Variants in MAML2 observed in about 807,000 individuals in gnomAD.
MAML2 encodes the protein mastermind like transcriptional coactivator 2, also known as mastermind-like protein 2.
A neutral mutation model predicts 96.1 loss-of-function variants in MAML2; 22 were observed. The observed-to-expected ratio is 0.23, with a 90% CI of 0.16 to 0.33. The LOEUF (loss-of-function observed/expected upper bound fraction) is 0.33. Among genes scored for constraint, MAML2 ranks in the 10% least tolerant of loss-of-function variants. The pLI, the probability that MAML2 is intolerant of heterozygous loss-of-function variation, is 1.00. For synonymous variants in MAML2, 561 were observed against 521.3 expected, an observed-to-expected ratio of 1.08 and a Z score of -1.04; for missense variants, 1,367 against 1,392.4, an observed-to-expected ratio of 0.98 and a Z score of 0.29.
At chr11:96,103,223 T>C (rs1321661241) in intron 1 of MAML2, among the ~76,000 whole-genome samples, 1 of 152,218 alleles carries the variant, frequency 6.6e-6, no homozygotes, top group Non-Finnish European at 1.5e-5. Flanking sequence ...AGACAGTATC[T>C]TGTACTTCTC....
rs75618557 is a variant in MAML2, at chr11:96,320,431, G to A, written c.513+20952C>T. ...AGCCCTCTGGTATACTCAAGCTCAT[G>A]GCAACTCAGGGAAGAAGCACATTTT... On this transcript the variant is annotated intron_variant, in intron 1 of 4. Coordinates refer to ENST00000524717, the MANE Select transcript of MAML2 (RefSeq NM_032427.4). 4.6e-3 allele frequency among the ~76,000 whole-genome samples: 704 copies of A among 152,302 alleles called. 5 individuals are homozygous for A. Among genetic ancestry groups the A allele is most frequent in the African/African-American group, 0.016 (679 of 41,574 alleles).
intron 1 of MAML2, among the ~76,000 whole-genome samples, chr11:96,277,733 CA>C (rs55970384): frequency 0.12 from 8,757 of 73,508 alleles, 198 homozygotes; most frequent in African/African-American, 0.16. Flanking sequence ...CACTCTGCCT[CA>C]AAAAAAAAAA....
At chr11:96,158,816 G>C (rs1000776744) in intron 1 of MAML2, among the ~76,000 whole-genome samples, 2 of 152,142 alleles carry the variant, frequency 1.3e-5, no homozygotes, top group African/African-American at 2.4e-5. Context: ...AGGCTTCATC[G>C]TCCCAGACTT....
intron 2 of MAML2, among the ~76,000 whole-genome samples, chr11:96,047,092 G>A (rs1858913672): frequency 6.6e-6 from 1 of 152,150 alleles, no homozygotes; most frequent in Admixed American, 6.5e-5. Flanking sequence ...CTTTTTACAT[G>A]TCTAAGTTTG....
intron 1 of MAML2, among the ~76,000 whole-genome samples, chr11:96,201,723 T>G (rs1861824909): frequency 6.6e-6 from 1 of 151,574 alleles, no homozygotes; most frequent in Non-Finnish European, 1.5e-5. Flanking sequence ...ATCGAGACCA[T>G]CCTGGCTAAC....
At chr11:96,138,462 T>C (rs1477853384) in intron 1 of MAML2, among the ~76,000 whole-genome samples, 1 of 152,216 alleles carries the variant, frequency 6.6e-6, no homozygotes, top group African/African-American at 2.4e-5. Context: ...TATATTGTGT[T>C]CCACAAGGGT....
intron 1 of MAML2, among the ~76,000 whole-genome samples, chr11:96,110,582 T>A (rs1161363083): frequency 6.6e-6 from 1 of 152,166 alleles, no homozygotes; most frequent in Non-Finnish European, 1.5e-5. Flanking sequence ...GCAGAAAAGA[T>A]AAGAAAGAAG....
At chr11:96,337,663 T>A (rs1458644787) in intron 1 of MAML2, among the ~76,000 whole-genome samples, 2 of 152,220 alleles carry the variant, frequency 1.3e-5, no homozygotes, top group Non-Finnish European at 2.9e-5. Context: ...GCAGTAAATT[T>A]GAAATGCCAA....
chr11:96,244,533 T>C (rs1225550784), intron 1 of MAML2, among the ~76,000 whole-genome samples: 1 of 152,234 alleles, frequency 6.6e-6, no homozygotes, highest in African/African-American at 2.4e-5. Flanking sequence ...GTTTATATGG[T>C]TATAGCCATA....
chr11:96,160,528 A>G (rs542809536), intron 1 of MAML2, among the ~76,000 whole-genome samples: 2 of 151,686 alleles, frequency 1.3e-5, no homozygotes, highest in South Asian at 4.2e-4. Flanking sequence ...CCAGGGTTCA[A>G]GTGATTCTCC....
chr11:96,286,725 A>G (rs1159489765), intron 1 of MAML2, among the ~76,000 whole-genome samples: 1 of 152,060 alleles, frequency 6.6e-6, no homozygotes, highest in African/African-American at 2.4e-5. Context: ...TACAAAATGA[A>G]TATACATATG....
chr11:95,991,424 T>C, intron 3 of MAML2, 96 bp downstream of exon 3: 1 of 1,123,930 alleles, frequency 8.9e-7, no homozygotes, highest in South Asian at 1.3e-5. Context: ...TTTGTTGCTG[T>C]CACGTAAGTA....
intron 1 of MAML2, among the ~76,000 whole-genome samples, chr11:96,273,308 G>A (rs942905876): frequency 6.6e-6 from 1 of 152,128 alleles, no homozygotes; most frequent in Non-Finnish European, 1.5e-5. Flanking sequence ...TGGAAAAAAA[G>A]TTTATCTCTT....
chr11:96,254,944 C>A (rs1862640609), intron 1 of MAML2, among the ~76,000 whole-genome samples: 1 of 152,130 alleles, frequency 6.6e-6, no homozygotes, highest in African/African-American at 2.4e-5. Flanking sequence ...GCCTCCCGAG[C>A]AGCTGGGACT....
intron 1 of MAML2, among the ~76,000 whole-genome samples, chr11:96,331,483 G>A (rs977473436): frequency 1.3e-5 from 2 of 152,100 alleles, no homozygotes; most frequent in East Asian, 1.9e-4. Flanking sequence ...GGTTCTTGGA[G>A]GCTTTCTCTT....
intron 2 of MAML2, among the ~76,000 whole-genome samples, chr11:96,005,255 A>T (rs1236145216): frequency 7.0e-6 from 1 of 142,210 alleles, no homozygotes; most frequent in Admixed American, 7.0e-5. Flanking sequence ...TGCTCTGACA[A>T]TTTTTACTTC....
chr11:96,120,119 G>A (rs561421562), intron 1 of MAML2, among the ~76,000 whole-genome samples: 5 of 152,102 alleles, frequency 3.3e-5, no homozygotes, highest in South Asian at 2.1e-4. Context: ...CAGCACGCCC[G>A]GCTAATTTTT....
intron 1 of MAML2, among the ~76,000 whole-genome samples, chr11:96,201,989 A>G (rs1432714584): frequency 6.6e-6 from 1 of 151,724 alleles, no homozygotes; most frequent in Admixed American, 6.6e-5. Context: ...AGGAGGAAAA[A>G]GAGTCTATTT....
intron 1 of MAML2, among the ~76,000 whole-genome samples, chr11:96,185,645 C>A (rs950395299): frequency 6.6e-6 from 1 of 152,210 alleles, no homozygotes; most frequent in Non-Finnish European, 1.5e-5. Flanking sequence ...CTCAGCCTCT[C>A]CCCCAGACCT....
Sources: allele counts gnomAD v4.1 joint callset (sites outside exome capture counted in the v4.1 genomes callset), GRCh38; gene constraint gnomAD v4.1.1; transcripts MANE v1.5; gene names NCBI Gene and HGNC (gene_info 2026-07-23, HGNC 2026-07-21).